Variants in UBE2R2 observed in about 807,000 individuals in gnomAD.
The protein encoded by UBE2R2 is ubiquitin conjugating enzyme E2 R2.
A neutral mutation model predicts 27.8 loss-of-function variants in UBE2R2; 1 was observed. The ratio of observed to expected loss-of-function variants is 0.04; its 90% confidence interval spans 0.01 to 0.17. UBE2R2 has a LOEUF of 0.17. Among genes scored for constraint, UBE2R2 ranks in the 10% least tolerant of loss-of-function variants. The probability of loss-of-function intolerance (pLI) is 1.00; values close to 1 mark genes in which losing one functional copy is unlikely to be tolerated. For synonymous variants in UBE2R2, 106 were observed against 113.3 expected (o/e 0.94, Z 0.41); for missense variants, 100 against 291.0 (o/e 0.34, Z 4.78).
chr9:33,917,594 C>CGAAA lies in UBE2R2; in HGVS notation c.*357_*358insGAAA. 1 of 435,874 alleles carries CGAAA rather than the reference C, an allele frequency of 2.3e-6. No homozygotes were observed. Among genetic ancestry groups the CGAAA allele is most frequent in the East Asian group, 3.6e-5 (1 of 28,154 alleles). 27.0% of individuals were successfully genotyped at this position (435,874 alleles called of 1,614,324 possible). A position where few individuals can be genotyped will look rare whatever the true frequency, so the allele number is the denominator to read the frequency against. ...TTAGATTCTTGAAGAATTCAATAGT[C>CGAAA]TTTCAAGATGTTTAATGTGTTTAAA... is the stretch of plus-strand genomic sequence containing the variant. On this transcript the variant is annotated 3_prime_UTR_variant, in exon 5 of 5. Transcript: ENST00000263228.
At chr9:33,869,990 G>GCTCATGCCACC (rs1233487579) in intron 1 of UBE2R2, among the ~76,000 whole-genome samples, 1 of 151,710 alleles carries the variant, frequency 6.6e-6, no homozygotes. Flanking sequence ...GGGATTACAG[G>GCTCATGCCACC]AATGTGCTAC....
intron 1 of UBE2R2, among the ~76,000 whole-genome samples, chr9:33,838,830 C>T (rs981007799): frequency 6.6e-6 from 1 of 151,544 alleles, no homozygotes; most frequent in Non-Finnish European, 1.5e-5. Context: ...CGCCTGTAAT[C>T]CCAGCACTTT....
At chr9:33,916,184 T>C (rs1822636650) in intron 4 of UBE2R2, among the ~76,000 whole-genome samples, 1 of 151,998 alleles carries the variant, frequency 6.6e-6, no homozygotes, top group South Asian at 2.1e-4. Context: ...CTACTAAAAA[T>C]ACAAAATTTA....
chr9:33,853,230 A>C (rs1366172608), intron 1 of UBE2R2, among the ~76,000 whole-genome samples: 1 of 151,770 alleles, frequency 6.6e-6, no homozygotes, highest in Admixed American at 6.6e-5. Flanking sequence ...GTCTCAAAAA[A>C]AAAAAAAAAG....
At chr9:33,825,607 G>C (rs1820299147) in intron 1 of UBE2R2, among the ~76,000 whole-genome samples, 1 of 152,062 alleles carries the variant, frequency 6.6e-6, no homozygotes, top group Non-Finnish European at 1.5e-5. Flanking sequence ...AAAATGTTCT[G>C]TTCCATCTTT....
chr9:33,917,335 C>T lies in UBE2R2; in HGVS notation c.*98C>T. ...CATGGCCCCTCAGCAAAAACCTATT[C>T]ACAGCGGGTGGGGAAACACACACAG... On this transcript the variant is annotated 3_prime_UTR_variant, in exon 5 of 5. Coordinates refer to ENST00000263228, the MANE Select transcript of UBE2R2 (RefSeq NM_017811.4). The T allele has an allele frequency of 6.5e-7, 1 of 1,547,772 alleles. No individual in the cohort carries two copies.
intron 1 of UBE2R2, among the ~76,000 whole-genome samples, chr9:33,870,673 C>G (rs1821467387): frequency 2.0e-5 from 3 of 152,106 alleles, no homozygotes; most frequent in Admixed American, 2.0e-4. Flanking sequence ...TCATAGATGA[C>G]TGGAAAATTA....
chr9:33,848,151 A>G (rs1283024416), intron 1 of UBE2R2, among the ~76,000 whole-genome samples: 3 of 152,184 alleles, frequency 2.0e-5, no homozygotes, highest in Non-Finnish European at 4.4e-5. Context: ...AATTTTTAAA[A>G]TAGTTTCCAG....
intron 1 of UBE2R2, among the ~76,000 whole-genome samples, chr9:33,838,218 C>T (rs868752828): frequency 8.1e-5 from 12 of 148,474 alleles, no homozygotes; most frequent in African/African-American, 2.7e-4. Flanking sequence ...CAGTGGCAGT[C>T]TAGCTGTATT....
intron 1 of UBE2R2, among the ~76,000 whole-genome samples, chr9:33,861,251 C>T (rs1037715727): frequency 2.7e-5 from 4 of 150,846 alleles, no homozygotes; most frequent in East Asian, 2.0e-4. Context: ...TGAGCCACTG[C>T]GCCTGGCCAA....
intron 1 of UBE2R2, among the ~76,000 whole-genome samples, chr9:33,831,816 C>T (rs188169681): frequency 6.6e-6 from 1 of 151,692 alleles, no homozygotes; most frequent in African/African-American, 2.4e-5. Context: ...CCTGCCAACA[C>T]GCCCGGTTAA....
chr9:33,838,891 G>A (rs1429861758), intron 1 of UBE2R2, among the ~76,000 whole-genome samples: 2 of 151,850 alleles, frequency 1.3e-5, no homozygotes, highest in Non-Finnish European at 2.9e-5. Flanking sequence ...GAGACCAGCT[G>A]GCCAACATGG....
chr9:33,849,532 G>A (rs1820918424), intron 1 of UBE2R2, among the ~76,000 whole-genome samples: 1 of 151,812 alleles, frequency 6.6e-6, no homozygotes, highest in Non-Finnish European at 1.5e-5. Context: ...TGTAATACAG[G>A]TTTGTTGATA....
chr9:33,861,757 A>G (rs1821241776), intron 1 of UBE2R2, among the ~76,000 whole-genome samples: 1 of 151,624 alleles, frequency 6.6e-6, no homozygotes, highest in Non-Finnish European at 1.5e-5. Flanking sequence ...GGAGTAAAAT[A>G]TGGATTGATG....
intron 1 of UBE2R2, among the ~76,000 whole-genome samples, chr9:33,846,049 T>C (rs1820838997): frequency 6.6e-6 from 1 of 150,452 alleles, no homozygotes; most frequent in Non-Finnish European, 1.5e-5. Flanking sequence ...TGGCGTGAAC[T>C]CGGGAGGTGG....
At chr9:33,832,584 G>A (rs1191989426) in intron 1 of UBE2R2, among the ~76,000 whole-genome samples, 2 of 151,492 alleles carry the variant, frequency 1.3e-5, no homozygotes, top group African/African-American at 4.8e-5. Flanking sequence ...GTCAACCTGG[G>A]AGGCGGAGGT....
Position 33,917,519 on chromosome 9 carries a change from C to T in UBE2R2, c.*282C>T, listed in dbSNP as rs1822678383. 2 of 551,284 alleles carry T rather than the reference C, an allele frequency of 3.6e-6. No individual in the cohort carries two copies. Among genetic ancestry groups the T allele is most frequent in the African/African-American group, 3.8e-5 (2 of 52,728 alleles). 34.1% of individuals were successfully genotyped at this position (551,284 alleles called of 1,614,324 possible). ...AAAAAATATGAACCCAAACTCCCGC[C>T]TCACTTCGTCTCTACAGAATGTTCA... is the stretch of plus-strand genomic sequence containing the variant. On this transcript the variant is annotated 3_prime_UTR_variant, in exon 5 of 5. Coordinates refer to ENST00000263228, the MANE Select transcript of UBE2R2 (RefSeq NM_017811.4).
intron 1 of UBE2R2, among the ~76,000 whole-genome samples, chr9:33,824,411 C>T (rs368789000): frequency 2.6e-5 from 4 of 151,634 alleles, no homozygotes; most frequent in South Asian, 4.2e-4. Context: ...CCGAGGCGGG[C>T]GGATCACGAG....
intron 3 of UBE2R2, among the ~76,000 whole-genome samples, chr9:33,902,028 T>G: frequency 6.6e-6 from 1 of 151,604 alleles, no homozygotes. Flanking sequence ...ATCCTTCCAC[T>G]TTAGTCTCTT....
Sources: allele counts gnomAD v4.1 joint callset (sites outside exome capture counted in the v4.1 genomes callset), GRCh38; gene constraint gnomAD v4.1.1; transcripts MANE v1.5; gene names NCBI Gene and HGNC (gene_info 2026-07-23, HGNC 2026-07-21).